The following FTCD variants were observed in gnomAD, a reference collection of about 807,000 sequenced individuals.
The protein encoded by FTCD is formimidoyltransferase cyclodeaminase, also known as formimidoyltransferase-cyclodeaminase.
A neutral mutation model predicts 62.9 loss-of-function variants in FTCD; 76 were observed. The ratio of observed to expected loss-of-function variants is 1.21; its 90% confidence interval spans 1.00 to 1.46. FTCD has a LOEUF of 1.46. Among genes scored for constraint, FTCD ranks in the 40% most tolerant of loss-of-function variants. FTCD has a pLI of 0.00. For synonymous variants in FTCD, 397 were observed against 336.9 expected (o/e 1.18, Z -1.95); for missense variants, 845 against 751.3 (o/e 1.12, Z -1.46).
chr21:46,150,331 G>T (rs1304215990), intron 6 of FTCD, 57 bp downstream of exon 6: 2 of 1,611,184 alleles, frequency 1.2e-6, no homozygotes, highest in Non-Finnish European at 1.7e-6. Flanking sequence ...CCCCCGCCCT[G>T]CCCACGGGAC....
rs1394378408 is a variant in FTCD, at chr21:46,151,701, TG to T, written c.492del (p.Ser165AlafsTer52). The T allele has an allele frequency of 1.2e-6, 2 of 1,612,864 alleles. No homozygotes were observed. The highest frequency in any genetic ancestry group is 3.3e-5 in the Admixed American group (2 of 60,006). ...GCCCCCCAACTGGGGACAAAGGAGC[TG>T]GGACCAAAGTCGGGCGCCCAGTCGG... ...QQADWAPDFGPSSFVPSWGAT... is the reference protein window; with the variant it reads ...QQADWAPDFGXSSFVPSWGAT... On this transcript the variant is annotated frameshift_variant, in exon 5 of 14. Transcript: ENST00000397746. LOFTEE classifies it high-confidence loss of function.
chr21:46,137,172 A>C, intron 13 of FTCD, 67 bp downstream of exon 13: 1 of 1,584,362 alleles, frequency 6.3e-7, no homozygotes, highest in Non-Finnish European at 8.7e-7. Flanking sequence ...CCAGTCGGCA[A>C]TCACCCTGAG....
At chr21:46,142,819 T>G (rs1302455639) in intron 10 of FTCD, 1 of 152,228 alleles carries the variant, frequency 6.6e-6, no homozygotes, top group African/African-American at 2.4e-5. Flanking sequence ...GAGTGCTGAT[T>G]GGTCCGTTTT....
intron 2 of FTCD, 26 bp downstream of exon 2, chr21:46,154,123 G>A: frequency 1.2e-6 from 2 of 1,609,098 alleles, no homozygotes; most frequent in South Asian, 1.1e-5. Context: ...AGACACGGCA[G>A]CCACAGGAGA....
chr21:46,137,316 C>T lies in FTCD; in HGVS notation c.1462G>A (p.Glu488Lys). 2 of 1,613,632 alleles carry T rather than the reference C, an allele frequency of 1.2e-6. No homozygotes were observed. Among genetic ancestry groups the T allele is most frequent in the African/African-American group, 1.3e-5 (1 of 75,048 alleles). ...AAATATGCGCCAAACACGCCCATCT[C>T]CAGGGCTTTGGCCGCCACCTGCAAG... Reference protein sequence around the residue: ...SDLQVAAKALEMGVFGAYFNV... With the variant: ...SDLQVAAKALKMGVFGAYFNV... The change falls in exon 13 of 14, where the codon GAG (glutamate) becomes AAG (lysine). Residue 488 changes from glutamate (E) to lysine (K), a missense_variant. By Grantham distance (56) the Glu-to-Lys change is moderately conservative (BLOSUM62 1). Transcript: ENST00000397746.
In FTCD at chr21:46,151,898, A is replaced by G; in HGVS notation, c.450T>C (p.Pro150=). 1.3e-6 allele frequency: 2 copies of G among 1,562,932 alleles called. No individual in the cohort carries two copies. The highest frequency in any genetic ancestry group is 1.7e-6 in the Non-Finnish European group (2 of 1,154,106). ...AIRAGEYEAL[P]KKLQQADWAP... is the part of the protein sequence containing the mutation. ...CCGCCCGGGGTGGGGGCACCTTCTTAGGGAGGGCCTCGTACTCCCCGGCCC... is the reference window on the plus strand; with the variant it reads ...CCGCCCGGGGTGGGGGCACCTTCTTGGGGAGGGCCTCGTACTCCCCGGCCC... The change falls in exon 4 of 14, where the codon CCT becomes CCC. Residue 150 remains proline, a synonymous_variant. Coordinates refer to ENST00000397746, the MANE Select transcript of FTCD (RefSeq NM_206965.2).
At chr21:46,148,817 G>T (rs2079205491) in intron 7 of FTCD, among the ~76,000 whole-genome samples, 1 of 152,198 alleles carries the variant, frequency 6.6e-6, no homozygotes, top group Admixed American at 6.5e-5. Flanking sequence ...ACGTGAACTG[G>T]ATCACGGATT....
chr21:46,138,834 T>A (rs759505008), intron 11 of FTCD, 46 bp downstream of exon 11: 1 of 1,558,320 alleles, frequency 6.4e-7, no homozygotes, highest in African/African-American at 1.4e-5. Context: ...GGCCACCAAC[T>A]CCCCAGACAC....
chr21:46,152,871 G>T (rs565659382), intron 3 of FTCD, 36 bp downstream of exon 3: 2 of 1,534,192 alleles, frequency 1.3e-6, no homozygotes, highest in South Asian at 1.2e-5. Context: ...CCAATGAGAC[G>T]GGAGCAGAGT....
chr21:46,152,903 T>C lies in FTCD; in HGVS notation c.367+4A>G. ...GAGTGAGGGGGGCGGGGGGGCACGCTCACCTGGCACGTCCAGCTCCTCTGC... is the reference window on the plus strand; with the variant it reads ...GAGTGAGGGGGGCGGGGGGGCACGCCCACCTGGCACGTCCAGCTCCTCTGC... On this transcript the variant is annotated splice_donor_region_variant and intron_variant, in intron 3 of 13. Coordinates refer to ENST00000397746, the MANE Select transcript of FTCD (RefSeq NM_206965.2). The C allele has an allele frequency of 6.4e-7, 1 of 1,569,268 alleles. No individual in the cohort carries two copies. The highest frequency in any genetic ancestry group is 8.6e-7 in the Non-Finnish European group (1 of 1,156,902).
chr21:46,138,511 G>A lies in FTCD; in HGVS notation c.1440C>T (p.Leu480=). 6.3e-7 allele frequency: 1 copy of A among 1,585,174 alleles called. No individual in the cohort carries two copies. Among genetic ancestry groups the A allele is most frequent in the Non-Finnish European group, 8.5e-7 (1 of 1,172,676 alleles). The change falls in exon 12 of 14, where the codon CTC becomes CTT. Residue 480 remains leucine, a synonymous_variant. Transcript: ENST00000397746. ...RCGNLACRSD[L]QVAAKALEMG... ...GGGGTCCCCCGGGCCCCCCTACCTGGAGGTCTGACCGGCAGGCCAGGTTCC... is the reference window on the plus strand; with the variant it reads ...GGGGTCCCCCGGGCCCCCCTACCTGAAGGTCTGACCGGCAGGCCAGGTTCC...
At chr21:46,140,213 CG>C (rs988965581) in intron 10 of FTCD, among the ~76,000 whole-genome samples, 6 of 151,492 alleles carry the variant, frequency 4.0e-5, no homozygotes, top group Non-Finnish European at 8.8e-5. Flanking sequence ...CAGCACTCCC[CG>C]TCCACCTTCA....
At chr21:46,139,644 G>A (rs900866984) in intron 10 of FTCD, among the ~76,000 whole-genome samples, 3 of 152,254 alleles carry the variant, frequency 2.0e-5, no homozygotes, top group African/African-American at 7.2e-5. Flanking sequence ...GACCATGGAT[G>A]AGAGCAAATG....
chr21:46,150,979 T>A (rs865801767), intron 5 of FTCD, among the ~76,000 whole-genome samples: 1 of 152,182 alleles, frequency 6.6e-6, no homozygotes, highest in Non-Finnish European at 1.5e-5. Flanking sequence ...GACTTAGAGG[T>A]CCCTGTGCTT....
intron 10 of FTCD, among the ~76,000 whole-genome samples, chr21:46,144,340 C>A (rs1438549238): frequency 6.9e-6 from 1 of 145,974 alleles, no homozygotes; most frequent in Non-Finnish European, 1.5e-5. Context: ...AACCCACAGA[C>A]CCTGTAGGGC....
At position 46,145,895 on chromosome 21, in the gene FTCD, G is replaced by T; in HGVS notation, c.1021C>A (p.Arg341Ser). Residue 341 changes from arginine (R) to serine (S), a missense_variant, in exon 9 of 14, where the codon CGC (arginine) becomes AGC (serine). By Grantham distance (110) the Arg-to-Ser change is moderately radical. Coordinates refer to ENST00000397746, the MANE Select transcript of FTCD (RefSeq NM_206965.2). ...GCACCCACCTCCCCCACGAAGGCGC[G>T]CAGGGACTTGCTGCCCAGGCCTCGC... is the stretch of plus-strand genomic sequence containing the variant. ...PERGLGSKSLRAFVGEVGARS... is the reference protein window; with the variant it reads ...PERGLGSKSLSAFVGEVGARS... 1 of 1,478,556 alleles carries T rather than the reference G, an allele frequency of 6.8e-7. No individual in the cohort carries two copies. The highest frequency in any genetic ancestry group is 1.5e-5 in the African/African-American group (1 of 64,732). The allele number at this position is 1,478,556 out of a possible 1,614,324, so 91.6% of individuals were successfully genotyped here. A position where few individuals can be genotyped will look rare whatever the true frequency, so the allele number is the denominator to read the frequency against.
At chr21:46,152,350 G>A (rs796840417) in intron 3 of FTCD, 33 of 245,092 alleles carry the variant, frequency 1.3e-4, no homozygotes, top group African/African-American at 7.4e-4. Flanking sequence ...TCGTGAACCC[G>A]CACACCAGTG....
chr21:46,143,572 A>C (rs2079065230), intron 10 of FTCD, among the ~76,000 whole-genome samples: 2 of 152,248 alleles, frequency 1.3e-5, no homozygotes, highest in Admixed American at 6.5e-5. Flanking sequence ...CTCTGCAATC[A>C]TAACCTAGGA....
At chr21:46,143,723 G>C (rs75511176) in intron 10 of FTCD, among the ~76,000 whole-genome samples, 3,438 of 152,230 alleles carry the variant, frequency 0.023, 133 homozygotes, top group African/African-American at 0.078. Context: ...CTGGGAAGGC[G>C]CCCGTTACCA....
Sources: allele counts gnomAD v4.1 joint callset (sites outside exome capture counted in the v4.1 genomes callset), GRCh38; gene constraint gnomAD v4.1.1; transcripts MANE v1.5; gene names NCBI Gene and HGNC (gene_info 2026-07-23, HGNC 2026-07-21).